The following BMAL1 variants were observed in gnomAD, a reference collection of about 807,000 sequenced individuals.
BMAL1 encodes basic helix-loop-helix ARNT-like protein 1.
chr11:13,283,077 C>A, the BMAL1 span, among the ~76,000 whole-genome samples: 1 of 152,178 alleles, frequency 6.6e-6, no homozygotes, highest in African/African-American at 2.4e-5. Context: ...TGCAGGGGAA[C>A]GTTGAGTACT....
chr11:13,379,714 G>A, the BMAL1 span: 1 of 152,252 alleles, frequency 6.6e-6, no homozygotes, highest in African/African-American at 2.4e-5. Flanking sequence ...TGCAATAAGA[G>A]TGGATGTTCC....
At chr11:13,314,715 G>A in the BMAL1 span, among the ~76,000 whole-genome samples, 191 of 152,260 alleles carry the variant, frequency 1.3e-3, no homozygotes, top group African/African-American at 4.5e-3. Context: ...CTATTCTTGC[G>A]AACTACTGTC....
chr11:13,356,993 G>A, the BMAL1 span: 13 of 1,611,562 alleles, frequency 8.1e-6, no homozygotes, highest in Admixed American at 5.0e-5. Flanking sequence ...ACAGCAATGT[G>A]TAACTTTGCC....
At chr11:13,318,620 T>C in the BMAL1 span, among the ~76,000 whole-genome samples, 1 of 136,182 alleles carries the variant, frequency 7.3e-6, no homozygotes, top group Admixed American at 8.4e-5. Context: ...TTTGTTGAAA[T>C]AGGCAAGGGT....
chr11:13,279,395 C>T, the BMAL1 span, among the ~76,000 whole-genome samples: 3 of 152,162 alleles, frequency 2.0e-5, no homozygotes, highest in African/African-American at 7.2e-5. Context: ...CTGTTGTTCA[C>T]CCCTTTAATC....
At chr11:13,378,499 A>G in the BMAL1 span, 7 of 1,565,118 alleles carry the variant, frequency 4.5e-6, no homozygotes, top group Non-Finnish European at 4.3e-6. Flanking sequence ...AACCCAGGGA[A>G]ATTTTTTCCC....
At chr11:13,353,421 G>A in the BMAL1 span, 1 of 152,232 alleles carries the variant, frequency 6.6e-6, no homozygotes, top group South Asian at 2.1e-4. Flanking sequence ...TCTTCTGCTA[G>A]GGACCCCCAA....
chr11:13,277,711 A>AG, the BMAL1 span: 61,590 of 108,980 alleles, frequency 0.57, 15,562 homozygotes, highest in Non-Finnish European at 0.62. Flanking sequence ...TGGGCGGGGA[A>AG]GGGGGGTTGG....
At chr11:13,298,321 G>A in the BMAL1 span, among the ~76,000 whole-genome samples, 2 of 152,214 alleles carry the variant, frequency 1.3e-5, no homozygotes, top group Admixed American at 1.3e-4. Context: ...CCCTTGGCCT[G>A]GACCATTCTT....
the BMAL1 span, chr11:13,372,147 G>A: frequency 5.0e-6 from 8 of 1,612,558 alleles, no homozygotes; most frequent in South Asian, 3.3e-5. Context: ...CACTAACCAC[G>A]AACTTTGCTT....
At chr11:13,294,143 G>T in the BMAL1 span, among the ~76,000 whole-genome samples, 1 of 152,194 alleles carries the variant, frequency 6.6e-6, no homozygotes, top group East Asian at 1.9e-4. Flanking sequence ...TTCATGAAGG[G>T]TTTGTATTGT....
chr11:13,301,759 C>G, the BMAL1 span, among the ~76,000 whole-genome samples: 4 of 152,110 alleles, frequency 2.6e-5, no homozygotes, highest in African/African-American at 7.2e-5. Context: ...GTATCAGGTG[C>G]CAGGCATGGT....
chr11:13,354,565 C>A, the BMAL1 span: 1 of 1,394,044 alleles, frequency 7.2e-7, no homozygotes. Context: ...ATAAAAAACC[C>A]AACTCTAGGT....
chr11:13,357,158 G>C, the BMAL1 span: 2 of 1,601,376 alleles, frequency 1.2e-6, no homozygotes, highest in African/African-American at 1.3e-5. This position sits in a 1 kb window ranked among gnomAD's most constrained non-coding sequence, Gnocchi z 4.8. Context: ...GAGAGCAGCT[G>C]AGGAGGCTCT....
chr11:13,282,901 A>G, the BMAL1 span, among the ~76,000 whole-genome samples: 3 of 152,190 alleles, frequency 2.0e-5, no homozygotes, highest in African/African-American at 7.2e-5. Flanking sequence ...GCACTCAGGG[A>G]CGGAGCAGGT....
the BMAL1 span, among the ~76,000 whole-genome samples, chr11:13,351,757 C>CT: frequency 6.6e-6 from 1 of 152,174 alleles, no homozygotes; most frequent in Non-Finnish European, 1.5e-5. Context: ...TCTGGATGTG[C>CT]TGATGGGCAA....
chr11:13,356,440 A>G, the BMAL1 span: 12 of 575,104 alleles, frequency 2.1e-5, no homozygotes, highest in Non-Finnish European at 3.8e-5. Flanking sequence ...ATTTTTATAA[A>G]CACTACATAT....
chr11:13,336,189 TC>T, the BMAL1 span, among the ~76,000 whole-genome samples: 1 of 152,206 alleles, frequency 6.6e-6, no homozygotes, highest in Non-Finnish European at 1.5e-5. Context: ...TTTTGATGTT[TC>T]CCCTGTCCCT....
the BMAL1 span, among the ~76,000 whole-genome samples, chr11:13,384,098 G>C: frequency 3.3e-5 from 5 of 151,972 alleles, no homozygotes. Flanking sequence ...ATTCGGTTTT[G>C]GGTATTTAGA....
Sources: allele counts gnomAD v4.1 joint callset (sites outside exome capture counted in the v4.1 genomes callset), GRCh38; gene constraint gnomAD v4.1.1; non-coding constraint Gnocchi (gnomAD v3.1); transcripts MANE v1.5; gene names NCBI Gene and HGNC (gene_info 2026-07-23, HGNC 2026-07-21).